Variants in ZC3H18 observed in about 807,000 individuals in gnomAD.
ZC3H18 encodes zinc finger CCCH-type containing 18.
In ZC3H18, 8 loss-of-function variants were observed where a neutral mutation model predicts 106.1. The observed-to-expected ratio is 0.08, with a 90% CI of 0.04 to 0.14. The LOEUF is 0.14. Ranked by LOEUF, ZC3H18 falls within the 10% of genes least tolerant of loss-of-function variation. The pLI is 1.00. For synonymous variants in ZC3H18, 635 were observed against 522.1 expected (o/e 1.22, Z -2.95); for missense variants, 1,318 against 1,278.4 (o/e 1.03, Z -0.47).
intron 4 of ZC3H18, 31 bp downstream of exon 4, chr16:88,598,357 A>G: frequency 1.3e-6 from 2 of 1,577,226 alleles, no homozygotes; most frequent in Non-Finnish European, 1.7e-6. Context: ...CATTGTTAGC[A>G]CATCAGCCAA....
chr16:88,626,909 C>G (rs1375695357), intron 13 of ZC3H18, among the ~76,000 whole-genome samples: 1 of 152,150 alleles, frequency 6.6e-6, no homozygotes. Flanking sequence ...CTCAGGCATT[C>G]CCTGAGACTG....
At chr16:88,622,663 G>A (rs1341566852) in intron 9 of ZC3H18, 1 of 443,190 alleles carries the variant, frequency 2.3e-6, no homozygotes. Flanking sequence ...ACTGGAGGGA[G>A]GGGCACCTGG....
At position 88,627,399 on chromosome 16, in the gene ZC3H18, G is replaced by A; in HGVS notation, c.2109-223G>A. 1 of 516,900 alleles carries A rather than the reference G, an allele frequency of 1.9e-6. No individual in the cohort carries two copies. The highest frequency in any genetic ancestry group is 3.4e-6 in the Non-Finnish European group (1 of 298,318). 32.0% of individuals were successfully genotyped at this position (516,900 alleles called of 1,614,324 possible). A position where few individuals can be genotyped will look rare whatever the true frequency, so the allele number is the denominator to read the frequency against. On this transcript the variant is annotated intron_variant, in intron 13 of 17. Coordinates refer to ENST00000301011, the MANE Select transcript of ZC3H18 (RefSeq NM_144604.4). The surrounding 1 kb of genome is among the most constrained non-coding windows in gnomAD (Gnocchi z 4.5). ...ATTACAGGCGTGAGCAGCCGTGCCT[G>A]GCTGCAACCTGACATTGATTAGTGA... is the stretch of plus-strand genomic sequence containing the variant.
intron 8 of ZC3H18, among the ~76,000 whole-genome samples, chr16:88,615,196 C>T (rs1289774811): frequency 7.6e-6 from 1 of 131,712 alleles, no homozygotes; most frequent in African/African-American, 2.7e-5. Context: ...CCACCTCCTC[C>T]GTTCCCTCTG....
rs139085047 is a variant in ZC3H18 at position 88,571,226 on chromosome 16, A to G, written c.-15+660A>G. Among the ~76,000 whole-genome samples the G allele has an allele frequency of 1.7e-3, 261 of 152,326 alleles. 1 individual carries two copies. In the Middle Eastern group the frequency reaches 0.031, roughly 18 times the overall value. On this transcript the variant is annotated intron_variant, in intron 1 of 17. Coordinates refer to ENST00000301011, the MANE Select transcript of ZC3H18 (RefSeq NM_144604.4). ...CATTTTTCCTGAATACTTTATGACA[A>G]CTGAGTTTGCCGGGTAGAGTGGCCG...
At chr16:88,612,427 G>T (rs1023606214) in intron 8 of ZC3H18, among the ~76,000 whole-genome samples, 3 of 151,762 alleles carry the variant, frequency 2.0e-5, no homozygotes, top group African/African-American at 7.3e-5. Flanking sequence ...ACTTTGGGAG[G>T]CTGAGGCAGG....
At chr16:88,628,727 G>T in intron 15 of ZC3H18, 31 bp from the exon 16 acceptor site, 1 of 1,611,960 alleles carries the variant, frequency 6.2e-7, no homozygotes, top group Middle Eastern at 1.7e-4. Context: ...TCCTGGCCCT[G>T]CTGTCCTCAC....
In ZC3H18 at chr16:88,595,671, G is replaced by C. The variant is rs148622458; in HGVS notation, c.689-2507G>C. Among the ~76,000 whole-genome samples the C allele has an allele frequency of 2.7e-3, 405 of 151,752 alleles. 2 individuals are homozygous for C. The highest frequency in any genetic ancestry group is 0.011 in the South Asian group (51 of 4,800). On this transcript the variant is annotated intron_variant, in intron 3 of 17. Coordinates refer to ENST00000301011, the MANE Select transcript of ZC3H18 (RefSeq NM_144604.4). ...AAAATACAAAAATTAGCCGGGCTTG[G>C]TGGTGCACACCTGTAATCCCAGCTA...
chr16:88,614,236 G>A (rs189885820), intron 8 of ZC3H18, among the ~76,000 whole-genome samples: 21 of 152,362 alleles, frequency 1.4e-4, no homozygotes, highest in Admixed American at 9.8e-4. Flanking sequence ...CCACACAGTG[G>A]CCACACTTGG....
chr16:88,609,305 G>A, intron 7 of ZC3H18: 2 of 272,552 alleles, frequency 7.3e-6, no homozygotes, highest in Non-Finnish European at 1.4e-5. Flanking sequence ...GTGTTTGTTT[G>A]TTTGTTTTTT....
At chr16:88,583,199 T>C (rs977401834) in intron 2 of ZC3H18, among the ~76,000 whole-genome samples, 21 of 152,248 alleles carry the variant, frequency 1.4e-4, no homozygotes, top group African/African-American at 4.6e-4. Flanking sequence ...TTTTTTCTTG[T>C]TGTGTAAGTA....
chr16:88,582,127 T>C (rs1915167544), intron 2 of ZC3H18, among the ~76,000 whole-genome samples: 1 of 152,176 alleles, frequency 6.6e-6, no homozygotes, highest in South Asian at 2.1e-4. Context: ...CCTGTCATAA[T>C]TGGTAGCTCT....
rs1401586344 is a variant in ZC3H18 at position 88,611,357 on chromosome 16, G to GGAGCGC, written c.1302_1307dup (p.Glu441_Arg442dup). ...ACCGAGAGCGGGAGCGCCGGCAGAG[G>GGAGCGC]GAGCGCGAGCGAGAGCGGGAGCGCG... On this transcript the variant is annotated inframe_insertion, in exon 8 of 18. Transcript: ENST00000301011. The GGAGCGC allele has an allele frequency of 4.5e-6, 4 of 896,458 alleles. No individual in the cohort carries two copies. The highest frequency in any genetic ancestry group is 7.3e-6 in the Non-Finnish European group (4 of 548,628). 55.5% of individuals were successfully genotyped at this position (896,458 alleles called of 1,614,324 possible). A position where few individuals can be genotyped will look rare whatever the true frequency, so the allele number is the denominator to read the frequency against.
intron 6 of ZC3H18, among the ~76,000 whole-genome samples, chr16:88,602,155 G>A (rs908314142): frequency 2.0e-5 from 3 of 152,216 alleles, no homozygotes; most frequent in South Asian, 2.1e-4. Context: ...ACCTGTGCCC[G>A]CTGCAGGCAG....
chr16:88,624,294 C>T, intron 11 of ZC3H18: 1 of 675,818 alleles, frequency 1.5e-6, no homozygotes, highest in East Asian at 2.7e-5. Flanking sequence ...GAGCACAGCC[C>T]TGGGGACACG....
intron 8 of ZC3H18, among the ~76,000 whole-genome samples, chr16:88,620,471 C>T (rs1016701039): frequency 6.6e-6 from 1 of 151,860 alleles, no homozygotes; most frequent in African/African-American, 2.4e-5. Context: ...GTCCTGGCTA[C>T]TCAAGAGGCT....
At chr16:88,578,994 A>G (rs1597320196) in intron 2 of ZC3H18, among the ~76,000 whole-genome samples, 2 of 152,104 alleles carry the variant, frequency 1.3e-5, no homozygotes, top group South Asian at 4.1e-4. Context: ...GGCGGGTGCC[A>G]TGCTTCTCCA....
At chr16:88,623,865 C>A in intron 10 of ZC3H18, 93 bp from the exon 11 acceptor site, 1 of 1,489,838 alleles carries the variant, frequency 6.7e-7, no homozygotes, top group Non-Finnish European at 8.9e-7. Context: ...AAATTCGTGG[C>A]CTTCTCCATG....
chr16:88,578,968 G>A (rs1048227148), intron 2 of ZC3H18, among the ~76,000 whole-genome samples: 5 of 152,204 alleles, frequency 3.3e-5, no homozygotes, highest in African/African-American at 1.2e-4. Context: ...GATCACAGGC[G>A]TGAGGCACCA....
Sources: allele counts gnomAD v4.1 joint callset (sites outside exome capture counted in the v4.1 genomes callset), GRCh38; gene constraint gnomAD v4.1.1; non-coding constraint Gnocchi (gnomAD v3.1); transcripts MANE v1.5; gene names NCBI Gene and HGNC (gene_info 2026-07-23, HGNC 2026-07-21).